DHX30: variants seen among roughly 807,000 people sequenced by gnomAD.
DHX30 encodes the protein ATP-dependent RNA helicase DHX30.
Under a neutral mutation model 116.9 loss-of-function variants are expected in DHX30, and 4 were observed. The ratio of observed to expected loss-of-function variants is 0.03; its 90% confidence interval spans 0.02 to 0.08. DHX30 has a LOEUF of 0.08. DHX30 is among the 10% of genes least tolerant of loss of function. DHX30 has a pLI of 1.00. For missense variants in DHX30, 871 were observed against 1,595.1 expected, an observed-to-expected ratio of 0.55 and a Z score of 7.73; for synonymous variants, 697 against 651.7, an observed-to-expected ratio of 1.07 and a Z score of -1.06.
intron 3 of DHX30, chr3:47,816,453 G>C (rs1346120857): frequency 1.4e-5 from 14 of 979,180 alleles, no homozygotes; most frequent in Non-Finnish European, 1.5e-5. Flanking sequence ...CGCCTCCCGG[G>C]TTCAAGTCAT....
chr3:47,847,506 A>G lies in DHX30; in HGVS notation c.2080A>G (p.Met694Val), dbSNP rs757787417. 4 of 1,612,100 alleles carry G rather than the reference A, an allele frequency of 2.5e-6. No homozygotes were observed. Among genetic ancestry groups the G allele is most frequent in the Non-Finnish European group, 3.4e-6 (4 of 1,179,048 alleles). Residue 694 changes from methionine to valine, a missense_variant, in exon 13 of 22, where the codon ATG becomes GTG. By Grantham distance (21) the Met-to-Val change is conservative. This residue lies in a region of DHX30 where 49 missense variants were observed against 60.9 expected (regional missense o/e 0.80). Transcript: ENST00000445061. This position sits in a 1 kb window ranked among gnomAD's most constrained non-coding sequence, Gnocchi z 5.5. The stretch of plus-strand genomic sequence containing the variant: ...GCAGCGCCTCCAGGAGGCCCTGGGC[A>G]TGCACGAGAGCAAGTACCTCATCCT... ...VQQRLQEALG[M>V]HESKYLILPV... is the part of the protein sequence containing the mutation.
In DHX30 at chr3:47,848,081, C is replaced by A. The variant is rs2037697606; in HGVS notation, c.2287-99C>A. The stretch of plus-strand genomic sequence containing the variant: ...TCAGAAGGCCGCGCTTGTGGGGTCT[C>A]AGTGTTCCTGATGTAGGGGGCTGGT... On this transcript the variant is annotated intron_variant, in intron 14 of 21. Coordinates refer to ENST00000445061, the MANE Select transcript of DHX30 (RefSeq NM_138615.3). This position sits in a 1 kb window ranked among gnomAD's most constrained non-coding sequence, Gnocchi z 9.4. 5 of 1,583,804 alleles carry A rather than the reference C, an allele frequency of 3.2e-6. No homozygotes were observed. The highest frequency in any genetic ancestry group is 4.3e-6 in the Non-Finnish European group (5 of 1,158,514).
chr3:47,818,267 G>A lies in DHX30; in HGVS notation c.124+150G>A, dbSNP rs542793602. The A allele has an allele frequency of 1.6e-4, 98 of 628,044 alleles. 1 individual carries two copies. Among genetic ancestry groups the A allele is most frequent in the South Asian group, 1.2e-3 (68 of 54,638 alleles). 38.9% of individuals were successfully genotyped at this position (628,044 alleles called of 1,614,324 possible). ...GCAGAGCTATTGGAGCCCTGAGGGA[G>A]AAATTACTTGGAAAAGTCTGGATTT... On this transcript the variant is annotated intron_variant, in intron 4 of 21. Transcript: ENST00000445061.
chr3:47,827,055 G>A (rs1212959269), intron 4 of DHX30, among the ~76,000 whole-genome samples: 1 of 152,148 alleles, frequency 6.6e-6, no homozygotes, highest in African/African-American at 2.4e-5. Context: ...GCTTTTGTAG[G>A]TGATGTATGA....
chr3:47,840,495 GCGTTGTGGTGCATGC>G (rs2037324683), intron 6 of DHX30, among the ~76,000 whole-genome samples: 1 of 151,756 alleles, frequency 6.6e-6, no homozygotes, highest in East Asian at 2.0e-4. Context: ...AATTCGCTGG[GCGTTGTGGTGCATGC>G]CTTTAGTCCC....
chr3:47,808,907 A>AGACAGAGTCTCACTCTTGTTGCCCAGGCT (rs2035654779), intron 2 of DHX30, among the ~76,000 whole-genome samples: 1 of 142,430 alleles, frequency 7.0e-6, no homozygotes, highest in Non-Finnish European at 1.5e-5. Flanking sequence ...GTTTTTTTTG[A>AGACAGAGTCTCACTCTTGTTGCCCAGGCT]GACAGAGTCT....
intron 4 of DHX30, among the ~76,000 whole-genome samples, chr3:47,822,714 G>A (rs956677832): frequency 1.3e-5 from 2 of 152,100 alleles, no homozygotes; most frequent in African/African-American, 2.4e-5. Flanking sequence ...GAACCCAGGA[G>A]GCAGAGGTTG....
intron 1 of DHX30, among the ~76,000 whole-genome samples, chr3:47,804,646 T>C (rs1316020137): frequency 6.6e-6 from 1 of 152,210 alleles, no homozygotes; most frequent in Non-Finnish European, 1.5e-5. Context: ...CAGTATAATA[T>C]GTCTCAAGGA....
At chr3:47,849,381 A>G (rs778566118) in intron 19 of DHX30, 32 bp downstream of exon 19, 15 of 1,595,502 alleles carry the variant, frequency 9.4e-6, no homozygotes, top group Non-Finnish European at 1.3e-5. Context: ...GGAGTTCACC[A>G]GGTCCCAGCC....
At chr3:47,803,342 G>C (rs2035372056) in intron 1 of DHX30, 130 bp downstream of exon 1, 1 of 377,980 alleles carries the variant, frequency 2.6e-6, no homozygotes, top group African/African-American at 2.1e-5. Flanking sequence ...AGACGCCGGC[G>C]GGCCCGAGGA....
chr3:47,850,112 G>T lies in DHX30; in HGVS notation c.3577G>T (p.Asp1193Tyr). The change falls in exon 22 of 22, where the codon GAC (aspartate) becomes TAC (tyrosine). Residue 1193 changes from aspartate (D) to tyrosine (Y), a missense_variant. By Grantham distance (160) the Asp-to-Tyr change is radical. Coordinates refer to ENST00000445061, the MANE Select transcript of DHX30 (RefSeq NM_138615.3). ...CGSFDVRKTA[D>Y]D The stretch of plus-strand genomic sequence containing the variant: ...CAGCTTTGATGTGCGCAAGACAGCT[G>T]ACGACTGAGCCCTGCTTCTGCTGGG... 6.3e-7 allele frequency: 1 copy of T among 1,589,430 alleles called. No homozygotes were observed. The highest frequency in any genetic ancestry group is 1.1e-5 in the South Asian group (1 of 88,974).
intron 3 of DHX30, chr3:47,816,581 C>T (rs948372941): frequency 1.3e-5 from 13 of 974,966 alleles, no homozygotes; most frequent in East Asian, 1.1e-4. Flanking sequence ...TGGTCTCGAT[C>T]TCTTGACCTT....
chr3:47,835,756 C>A (rs1285316936), intron 6 of DHX30, among the ~76,000 whole-genome samples: 1 of 152,182 alleles, frequency 6.6e-6, no homozygotes, highest in African/African-American at 2.4e-5. Context: ...TTTGGGTTTT[C>A]TATATATAAG....
At chr3:47,839,890 G>T (rs891899459) in intron 6 of DHX30, among the ~76,000 whole-genome samples, 2 of 151,946 alleles carry the variant, frequency 1.3e-5, no homozygotes, top group Non-Finnish European at 2.9e-5. Context: ...GGCCAGGCTG[G>T]TCTCCAACTC....
intron 3 of DHX30, chr3:47,816,878 C>T (rs1053465244): frequency 1.4e-5 from 14 of 984,104 alleles, no homozygotes; most frequent in Non-Finnish European, 1.2e-6. Flanking sequence ...TTTGTATCTA[C>T]CACCTTGATT....
intron 3 of DHX30, among the ~76,000 whole-genome samples, chr3:47,812,816 A>G (rs2035863290): frequency 6.6e-6 from 1 of 150,920 alleles, no homozygotes. Context: ...GGCGTGTGCC[A>G]CCACACCCGG....
In DHX30 at chr3:47,847,448, C is replaced by T; in HGVS notation, c.2022C>T (p.Phe674=). 1.9e-6 allele frequency: 3 copies of T among 1,612,946 alleles called. No homozygotes were observed. Among genetic ancestry groups the T allele is most frequent in the Non-Finnish European group, 2.5e-6 (3 of 1,179,090 alleles). Residue 674 remains phenylalanine, a synonymous_variant, in exon 13 of 22, where the codon TTC becomes TTT. Transcript: ENST00000445061. The surrounding 1 kb of genome is among the most constrained non-coding windows in gnomAD (Gnocchi z 5.5). ...ARGEPGGILC[F]LPGWQEIKGV... ...CCTTTACAGGTGGGATCCTGTGCTT[C>T]CTGCCTGGGTGGCAGGAGATCAAAG...
At chr3:47,840,766 A>G in intron 6 of DHX30, 111 bp from the exon 7 acceptor site, 1 of 1,392,688 alleles carries the variant, frequency 7.2e-7, no homozygotes, top group Middle Eastern at 1.9e-4. Flanking sequence ...GGGTAAACAG[A>G]TGAAAAACCA....
At chr3:47,843,712 CTT>C (rs1011495740) in intron 9 of DHX30, among the ~76,000 whole-genome samples, 1 of 151,780 alleles carries the variant, frequency 6.6e-6, no homozygotes, top group African/African-American at 2.4e-5. Context: ...TGGCAGTTCT[CTT>C]TTTTTTGAGA....
Sources: allele counts gnomAD v4.1 joint callset (sites outside exome capture counted in the v4.1 genomes callset), GRCh38; gene constraint gnomAD v4.1.1; regional missense constraint gnomAD v4.1.1; non-coding constraint Gnocchi (gnomAD v3.1); transcripts MANE v1.5; gene names NCBI Gene and HGNC (gene_info 2026-07-23, HGNC 2026-07-21).